Variants in PRSS12 observed in about 807,000 individuals in gnomAD.
PRSS12 encodes the protein serine protease 12.
In PRSS12, 85 loss-of-function variants were observed where a neutral mutation model predicts 104.4. That is an observed-to-expected ratio of 0.81 (90% confidence interval 0.68 to 0.98). The LOEUF (loss-of-function observed/expected upper bound fraction) is 0.98, where lower values mean the gene tolerates loss of function less well. PRSS12 is among the 50% of genes least tolerant of loss of function. PRSS12 has a pLI of 0.00. For synonymous variants in PRSS12, 454 were observed against 425.2 expected (o/e 1.07, Z -0.83); for missense variants, 1,141 against 1,139.2 (o/e 1.00, Z -0.02).
At chr4:118,335,933 C>T (rs576126946) in intron 2 of PRSS12, among the ~76,000 whole-genome samples, 7 of 152,306 alleles carry the variant, frequency 4.6e-5, no homozygotes, top group Middle Eastern at 3.4e-3. Flanking sequence ...TGGCCAAGTA[C>T]TGCAGACATA....
chr4:118,310,537 G>C (rs748071910), intron 7 of PRSS12, among the ~76,000 whole-genome samples: 1 of 152,060 alleles, frequency 6.6e-6, no homozygotes, highest in African/African-American at 2.4e-5. Flanking sequence ...TGTTGTTACA[G>C]AAATAATAAT....
chr4:118,303,721 T>C (rs1162532040), intron 8 of PRSS12: 2 of 152,134 alleles, frequency 1.3e-5, no homozygotes, highest in South Asian at 2.1e-4. Flanking sequence ...TCAATTTTTA[T>C]ATCCTCAAAT....
chr4:118,309,726 T>C (rs905157489), intron 7 of PRSS12, among the ~76,000 whole-genome samples: 4 of 152,188 alleles, frequency 2.6e-5, no homozygotes, highest in Admixed American at 1.3e-4. Flanking sequence ...CAATAAAGCA[T>C]GGTAAACTTA....
At chr4:118,286,410 T>C (rs1465630480) in intron 11 of PRSS12, among the ~76,000 whole-genome samples, 2 of 152,156 alleles carry the variant, frequency 1.3e-5, no homozygotes, top group Non-Finnish European at 2.9e-5. Flanking sequence ...TCTATCCTAA[T>C]ATGGCAAAAC....
chr4:118,296,916 T>C (rs1444614630), intron 9 of PRSS12, among the ~76,000 whole-genome samples: 1 of 152,166 alleles, frequency 6.6e-6, no homozygotes, highest in Non-Finnish European at 1.5e-5. Flanking sequence ...ATGCTCCAAG[T>C]TGGGTCAATG....
intron 1 of PRSS12, among the ~76,000 whole-genome samples, chr4:118,344,047 G>A (rs1724287959): frequency 6.6e-6 from 1 of 151,988 alleles, no homozygotes; most frequent in Non-Finnish European, 1.5e-5. Flanking sequence ...TTGTTCTAGT[G>A]GAATAGAAAG....
chr4:118,311,157 C>T (rs1423747959), intron 7 of PRSS12, among the ~76,000 whole-genome samples: 1 of 152,116 alleles, frequency 6.6e-6, no homozygotes, highest in Non-Finnish European at 1.5e-5. Context: ...GGACTTAATA[C>T]TCTGAACTTT....
chr4:118,327,701 A>G (rs1219078141), intron 4 of PRSS12, among the ~76,000 whole-genome samples: 1 of 152,218 alleles, frequency 6.6e-6, no homozygotes, highest in Non-Finnish European at 1.5e-5. Flanking sequence ...TGTTAAGCAC[A>G]TAAAAAGGAA....
At chr4:118,306,331 T>C (rs571154799) in intron 8 of PRSS12, among the ~76,000 whole-genome samples, 4 of 152,354 alleles carry the variant, frequency 2.6e-5, no homozygotes, top group African/African-American at 9.6e-5. Flanking sequence ...TGTTAGGCCA[T>C]TCTTCCATTG....
chr4:118,301,689 T>G (rs1161679925), intron 8 of PRSS12, among the ~76,000 whole-genome samples: 1 of 152,222 alleles, frequency 6.6e-6, no homozygotes, highest in African/African-American at 2.4e-5. Context: ...TCTTACAAAG[T>G]GTATTCCTAG....
chr4:118,295,564 C>T (rs1743234242), intron 10 of PRSS12, among the ~76,000 whole-genome samples: 1 of 152,170 alleles, frequency 6.6e-6, no homozygotes, highest in Admixed American at 6.5e-5. Context: ...TTCAGCAACA[C>T]ATCTAATCTC....
At chr4:118,330,746 G>C (rs1442364058) in intron 4 of PRSS12, among the ~76,000 whole-genome samples, 3 of 152,184 alleles carry the variant, frequency 2.0e-5, no homozygotes, top group African/African-American at 7.2e-5. Context: ...GTTCTTATTT[G>C]TAAGAGATGC....
At chr4:118,324,931 G>C (rs1049957882) in intron 4 of PRSS12, among the ~76,000 whole-genome samples, 3 of 152,014 alleles carry the variant, frequency 2.0e-5, no homozygotes, top group Admixed American at 2.0e-4. Context: ...GGCTGGTCTC[G>C]AACTCCTGAC....
At chr4:118,346,102 G>T (rs925742403) in intron 1 of PRSS12, among the ~76,000 whole-genome samples, 1 of 152,128 alleles carries the variant, frequency 6.6e-6, no homozygotes, top group Non-Finnish European at 1.5e-5. Context: ...TCTGCAGATT[G>T]TTCTATCTCT....
At chr4:118,284,803 A>G (rs959757409) in intron 11 of PRSS12, among the ~76,000 whole-genome samples, 8 of 152,004 alleles carry the variant, frequency 5.3e-5, no homozygotes, top group Admixed American at 5.2e-4. Flanking sequence ...AGCTCTACCT[A>G]TTTTGTGCCG....
At chr4:118,311,547 G>T (rs1317319895) in intron 7 of PRSS12, among the ~76,000 whole-genome samples, 1 of 152,042 alleles carries the variant, frequency 6.6e-6, no homozygotes, top group Non-Finnish European at 1.5e-5. Context: ...TTAATAGGTG[G>T]AAGTAATGAT....
At chr4:118,315,748 TAAAAG>T (rs1743888735) in intron 6 of PRSS12, among the ~76,000 whole-genome samples, 1 of 152,216 alleles carries the variant, frequency 6.6e-6, no homozygotes, top group Non-Finnish European at 1.5e-5. Flanking sequence ...TTTTCTCAAA[TAAAAG>T]TGATAATTAT....
chr4:118,286,295 TA>T (rs1393780492), intron 11 of PRSS12, among the ~76,000 whole-genome samples: 1 of 152,188 alleles, frequency 6.6e-6, no homozygotes, highest in African/African-American at 2.4e-5. Flanking sequence ...CCCTCTCTGA[TA>T]CCAGCCTGGC....
intron 8 of PRSS12, among the ~76,000 whole-genome samples, chr4:118,301,142 T>C (rs1266419633): frequency 6.6e-6 from 1 of 152,168 alleles, no homozygotes; most frequent in East Asian, 1.9e-4. Flanking sequence ...TTACTATTAG[T>C]GTTAGTAAGA....
Sources: gnomAD v4.1 joint callset for allele counts (sites outside exome capture counted in the v4.1 genomes callset) on GRCh38, gnomAD v4.1.1 for gene constraint, MANE v1.5 for transcripts, NCBI Gene and HGNC (gene_info 2026-07-23, HGNC 2026-07-21) for gene names.